The following SLC12A8 variants were observed in gnomAD, a reference collection of about 807,000 sequenced individuals.
SLC12A8 encodes the protein solute carrier family 12 member 8.
In SLC12A8, 69 loss-of-function variants were observed where a neutral mutation model predicts 75.6. That is an observed-to-expected ratio of 0.91 (90% CI 0.75 to 1.11). The LOEUF (loss-of-function observed/expected upper bound fraction) is 1.11, where lower values mean the gene tolerates loss of function less well. Among genes scored for constraint, SLC12A8 ranks in the 50% most tolerant of loss-of-function variants. SLC12A8 has a pLI of 0.00. For synonymous variants in SLC12A8, 365 were observed against 372.8 expected, an observed-to-expected ratio of 0.98 and a Z score of 0.24; for missense variants, 877 against 896.7, an observed-to-expected ratio of 0.98 and a Z score of 0.28.
At chr3:125,128,432 G>A (rs1401719933) in intron 6 of SLC12A8, among the ~76,000 whole-genome samples, 4 of 141,106 alleles carry the variant, frequency 2.8e-5, no homozygotes, top group African/African-American at 5.3e-5. Flanking sequence ...CGCCCGCCTC[G>A]GCCTCCCAAA....
intron 5 of SLC12A8, among the ~76,000 whole-genome samples, chr3:125,157,442 G>A (rs1302037010): frequency 6.6e-6 from 1 of 152,084 alleles, no homozygotes; most frequent in Non-Finnish European, 1.5e-5. Context: ...AGCCAATCCT[G>A]GAAGCCCTAG....
chr3:125,189,438 T>A (rs1934864657), intron 3 of SLC12A8, among the ~76,000 whole-genome samples: 1 of 152,198 alleles, frequency 6.6e-6, no homozygotes, highest in African/African-American at 2.4e-5. Context: ...CTCAACTGCA[T>A]CTCCTCCAGG....
At chr3:125,172,736 G>A (rs926300407) in intron 5 of SLC12A8, among the ~76,000 whole-genome samples, 2 of 152,208 alleles carry the variant, frequency 1.3e-5, no homozygotes, top group African/African-American at 4.8e-5. Flanking sequence ...GAGTGAAGGA[G>A]GAGACTTTCA....
chr3:125,094,260 G>A (rs1487683569), intron 10 of SLC12A8, among the ~76,000 whole-genome samples: 4 of 152,070 alleles, frequency 2.6e-5, no homozygotes, highest in Middle Eastern at 3.2e-3. Flanking sequence ...GCCTTAGTAT[G>A]TTTTTGATTT....
intron 5 of SLC12A8, among the ~76,000 whole-genome samples, chr3:125,163,828 C>G (rs975076597): frequency 1.3e-5 from 2 of 152,156 alleles, no homozygotes; most frequent in African/African-American, 4.8e-5. Context: ...GGGCTGGGGC[C>G]GAGCAGCTGG....
chr3:125,177,108 A>C (rs1934549597), intron 5 of SLC12A8, among the ~76,000 whole-genome samples: 1 of 152,106 alleles, frequency 6.6e-6, no homozygotes, highest in African/African-American at 2.4e-5. Context: ...GGATTAAGAA[A>C]ATGTGGCACA....
intron 5 of SLC12A8, among the ~76,000 whole-genome samples, chr3:125,164,100 C>A (rs887065896): frequency 2.6e-5 from 4 of 152,176 alleles, no homozygotes; most frequent in African/African-American, 9.6e-5. Context: ...ACAGTTTTAA[C>A]CAGGCATGAA....
chr3:125,121,016 G>A (rs961205724), intron 6 of SLC12A8: 7 of 635,688 alleles, frequency 1.1e-5, no homozygotes, highest in Non-Finnish European at 1.9e-5. Flanking sequence ...TGCCTGCTGA[G>A]CTGGGACAAT....
At position 125,107,520 on chromosome 3, in the gene SLC12A8, C is replaced by G; in HGVS notation, c.1666G>C (p.Val556Leu). 3 of 1,613,642 alleles carry G rather than the reference C, an allele frequency of 1.9e-6. No homozygotes were observed. Among genetic ancestry groups the G allele is most frequent in the Non-Finnish European group, 2.5e-6 (3 of 1,179,578 alleles). Residue 556 changes from valine to leucine, a missense_variant, in exon 10 of 14, where the codon GTT becomes CTT. Val to Leu is a conservative substitution (Grantham distance 32). Coordinates refer to ENST00000469902, the MANE Select transcript of SLC12A8 (RefSeq NM_024628.6). ...TCTGATTGGTTGCACAGCTCAGGAACAAGTTGCTCTCCATATGTTCCCTCA... is the reference window on the plus strand; with the variant it reads ...TCTGATTGGTTGCACAGCTCAGGAAGAAGTTGCTCTCCATATGTTCCCTCA... The part of the protein sequence containing the change: ...QPEGTYGEQL[V>L]PELCNQSESS...
intron 6 of SLC12A8, among the ~76,000 whole-genome samples, chr3:125,129,299 C>T (rs972346994): frequency 6.6e-6 from 1 of 152,130 alleles, no homozygotes; most frequent in Non-Finnish European, 1.5e-5. Context: ...TGTGTGAAAC[C>T]CTGGAGAGGA....
rs1441910632 is a variant in SLC12A8 at position 125,083,492 on chromosome 3, G to A, written c.*398C>T. 1 of 159,096 alleles carries A rather than the reference G, an allele frequency of 6.3e-6. No individual in the cohort carries two copies. The highest frequency in any genetic ancestry group is 1.4e-5 in the Non-Finnish European group (1 of 72,162). 9.9% of individuals were successfully genotyped at this position (159,096 alleles called of 1,614,324 possible). Reference sequence around the variant, plus strand: ...TAATCCCAGTACTTTGGGAGGCTGAGACGGGTGGATCACGAGGTCAGGAGT... The same window carrying A: ...TAATCCCAGTACTTTGGGAGGCTGAAACGGGTGGATCACGAGGTCAGGAGT... On this transcript the variant is annotated 3_prime_UTR_variant, in exon 14 of 14. Coordinates refer to ENST00000469902, the MANE Select transcript of SLC12A8 (RefSeq NM_024628.6).
chr3:125,183,800 G>A (rs1304197059), intron 4 of SLC12A8, among the ~76,000 whole-genome samples: 1 of 152,046 alleles, frequency 6.6e-6, no homozygotes, highest in African/African-American at 2.4e-5. Flanking sequence ...ACACAGGTAA[G>A]TGGAGCAGGG....
rs1471863132 is a variant in SLC12A8 at position 125,120,623 on chromosome 3, C to T, written c.800G>A (p.Gly267Asp). Reference sequence around the variant, plus strand: ...CGAGATGCCAACAGCTGCCAGGGAGCCCAGGGGAATGCTGGCGGCAGGCTC... The same window carrying T: ...CGAGATGCCAACAGCTGCCAGGGAGTCCAGGGGAATGCTGGCGGCAGGCTC... Reference protein sequence around the residue: ...LREPAASIPLGSLAAVGISWF... With the variant: ...LREPAASIPLDSLAAVGISWF... Residue 267 changes from glycine (G) to aspartate (D), a missense_variant, in exon 7 of 14, where the codon GGC becomes GAC. By Grantham distance (94) the Gly-to-Asp change is moderately conservative. Coordinates refer to ENST00000469902, the MANE Select transcript of SLC12A8 (RefSeq NM_024628.6). The T allele has an allele frequency of 5.0e-6, 8 of 1,613,568 alleles. No homozygotes were observed. In the African/African-American group the frequency reaches 8.0e-5, roughly 16 times the overall value.
chr3:125,120,009 G>C (rs987475800), intron 7 of SLC12A8: 2 of 412,154 alleles, frequency 4.9e-6, no homozygotes, highest in Admixed American at 2.8e-5. Flanking sequence ...CGGCCTGGGG[G>C]AGCTGGAGGG....
chr3:125,111,614 C>T (rs1332247692), intron 8 of SLC12A8, among the ~76,000 whole-genome samples: 1 of 152,200 alleles, frequency 6.6e-6, no homozygotes, highest in Non-Finnish European at 1.5e-5. Context: ...GTCACTTACA[C>T]CCTTCTTGAT....
At position 125,192,253 on chromosome 3, in the gene SLC12A8, G is replaced by A. The variant is rs371873167; in HGVS notation, c.52-1732C>T. ...CTGCTCTGCTCCTCACGGCAGCCCC[G>A]TGAGGCAGGCCGGGAGGGGGCCCCA... On this transcript the variant is annotated intron_variant, in intron 2 of 13. Transcript: ENST00000469902. 3.5e-4 allele frequency among the ~76,000 whole-genome samples: 53 copies of A among 152,204 alleles called. 1 individual carries two copies. The highest frequency in any genetic ancestry group is 2.5e-3 in the South Asian group (12 of 4,830).
chr3:125,167,913 C>T (rs1393626731), intron 5 of SLC12A8, among the ~76,000 whole-genome samples: 1 of 152,244 alleles, frequency 6.6e-6, no homozygotes, highest in Non-Finnish European at 1.5e-5. Flanking sequence ...GCCCATGTGG[C>T]TCTTTGAATG....
chr3:125,098,958 G>A (rs1938791722), intron 10 of SLC12A8, among the ~76,000 whole-genome samples: 3 of 152,192 alleles, frequency 2.0e-5, no homozygotes, highest in South Asian at 4.1e-4. Flanking sequence ...GGGAGATCCT[G>A]GAAATGAGAG....
intron 3 of SLC12A8, among the ~76,000 whole-genome samples, chr3:125,189,726 T>A (rs1400919196): frequency 1.3e-5 from 2 of 152,220 alleles, no homozygotes; most frequent in Admixed American, 1.3e-4. Context: ...TGTGGTCTAC[T>A]GAAGTCCCAC....
Sources: gnomAD v4.1 joint callset for allele counts (sites outside exome capture counted in the v4.1 genomes callset) on GRCh38, gnomAD v4.1.1 for gene constraint, MANE v1.5 for transcripts, NCBI Gene and HGNC (gene_info 2026-07-23, HGNC 2026-07-21) for gene names.